CD80: variants seen among roughly 807,000 people sequenced by gnomAD.
CD80 encodes T-lymphocyte activation antigen CD80.
Under a neutral mutation model 27.1 loss-of-function variants are expected in CD80, and 13 were observed. The observed-to-expected ratio is 0.48, with a 90% CI of 0.31 to 0.76. The LOEUF is 0.76. Ranked by LOEUF, CD80 falls within the 30% of genes least tolerant of loss-of-function variation. The pLI, the probability that CD80 is intolerant of heterozygous loss-of-function variation, is 0.04. For missense variants in CD80, 277 were observed against 347.9 expected (o/e 0.80, Z 1.62); for synonymous variants, 125 against 125.5 (o/e 1.00, Z 0.03).
intron 2 of CD80, among the ~76,000 whole-genome samples, chr3:119,545,812 T>G (rs1246017419): frequency 6.6e-6 from 1 of 151,960 alleles, no homozygotes; most frequent in Admixed American, 6.5e-5. Flanking sequence ...CTGGCTACTG[T>G]GCTGCTATGA....
chr3:119,531,467 T>G (rs2082110784), intron 4 of CD80, among the ~76,000 whole-genome samples: 2 of 152,224 alleles, frequency 1.3e-5, no homozygotes, highest in Non-Finnish European at 2.9e-5. Flanking sequence ...TAGTAGGATT[T>G]GCAGTAGATC....
intron 4 of CD80, 105 bp from the exon 5 acceptor site, chr3:119,530,042 T>A (rs568018910): frequency 1.3e-6 from 1 of 784,568 alleles, no homozygotes; most frequent in East Asian, 2.7e-5. Context: ...CTTTGCCTGG[T>A]CAGCTCTCCA....
Position 119,537,303 on chromosome 3 carries a change from A to G in CD80, c.534T>C (p.Asn178=). The G allele has an allele frequency of 6.2e-7, 1 of 1,613,936 alleles. No individual in the cohort carries two copies. The highest frequency in any genetic ancestry group is 8.5e-7 in the Non-Finnish European group (1 of 1,179,968). ...TGTTGATGGCATTTAATTCTTCTCC[A>G]TTTTCCAACCAGGAGAGGTGAGGCT... is the stretch of plus-strand genomic sequence containing the variant. ...FPEPHLSWLE[N]GEELNAINTT... The change falls in exon 4 of 7, where the codon AAT becomes AAC. Residue 178 remains asparagine (N), a synonymous_variant. Transcript: ENST00000264246.
chr3:119,546,815 A>AACACACACACAC (rs10661634), intron 2 of CD80, among the ~76,000 whole-genome samples: 10,020 of 149,266 alleles, frequency 0.067, 407 homozygotes, highest in Non-Finnish European at 0.1. Context: ...GTGATGCAAC[A>AACACACACACAC]ACACACACAC....
intron 2 of CD80, among the ~76,000 whole-genome samples, chr3:119,546,668 C>T (rs534730549): frequency 1.4e-4 from 22 of 152,226 alleles, no homozygotes; most frequent in African/African-American, 5.1e-4. Flanking sequence ...GGATCTGTTG[C>T]CTGGTCACTT....
At chr3:119,529,138 C>T (rs2082096121) in intron 5 of CD80, among the ~76,000 whole-genome samples, 1 of 151,962 alleles carries the variant, frequency 6.6e-6, no homozygotes, top group African/African-American at 2.4e-5. Context: ...TTAGTAGAGA[C>T]AGAGTTTCAC....
intron 3 of CD80, among the ~76,000 whole-genome samples, chr3:119,538,337 G>A (rs1360591651): frequency 1.3e-5 from 2 of 151,778 alleles, no homozygotes; most frequent in African/African-American, 2.4e-5. Context: ...GATGCTTGAA[G>A]TACGCAAGTG....
At chr3:119,529,027 C>T (rs957299822) in intron 5 of CD80, among the ~76,000 whole-genome samples, 23 of 151,904 alleles carry the variant, frequency 1.5e-4, no homozygotes, top group African/African-American at 5.1e-4. Context: ...CTGCAGTCTC[C>T]GCCTCCTGGG....
chr3:119,540,013 G>A (rs147723198), intron 3 of CD80, among the ~76,000 whole-genome samples: 311 of 152,312 alleles, frequency 2.0e-3, no homozygotes, highest in African/African-American at 7.3e-3. Flanking sequence ...AGGCTGGAGT[G>A]CAGTGGCACC....
chr3:119,544,402 G>A (rs998510596), intron 3 of CD80, 148 bp downstream of exon 3: 45 of 642,474 alleles, frequency 7.0e-5, no homozygotes, highest in Middle Eastern at 2.5e-4. Context: ...ACCAGTTAGA[G>A]TTTATTGTAC....
At position 119,557,888 on chromosome 3, in the gene CD80, T is replaced by A; in HGVS notation, c.-160A>T. ...TACAAAACACACAGAGATTGGAGGG[T>A]GTTCCTGGGTCTCCAAAGGTTGTGG... On this transcript the variant is annotated 5_prime_UTR_variant, in exon 2 of 7. Transcript: ENST00000264246. 1 of 432,804 alleles carries A rather than the reference T, an allele frequency of 2.3e-6. No individual in the cohort carries two copies. The highest frequency in any genetic ancestry group is 4.1e-6 in the Non-Finnish European group (1 of 242,358). The allele number at this position is 432,804 out of a possible 1,614,324, so 26.8% of individuals were successfully genotyped here. A position where few individuals can be genotyped will look rare whatever the true frequency, so the allele number is the denominator to read the frequency against.
chr3:119,544,322 T>A, intron 3 of CD80: 2 of 555,816 alleles, frequency 3.6e-6, no homozygotes, highest in Non-Finnish European at 6.4e-6. Context: ...CCCAGGATGA[T>A]TGTCATGAAC....
intron 3 of CD80, among the ~76,000 whole-genome samples, chr3:119,539,984 T>C (rs1294264370): frequency 6.6e-6 from 1 of 152,124 alleles, no homozygotes; most frequent in Non-Finnish European, 1.5e-5. Context: ...GGAAACTAAA[T>C]AGTCTCACTC....
At chr3:119,546,815 A>AACACACACACACACACACACACAC (rs10661634) in intron 2 of CD80, among the ~76,000 whole-genome samples, 10 of 149,282 alleles carry the variant, frequency 6.7e-5, no homozygotes, top group South Asian at 4.2e-4. Flanking sequence ...GTGATGCAAC[A>AACACACACACACACACACACACAC]ACACACACAC....
Position 119,537,250 on chromosome 3 carries a change from T to C in CD80, c.587A>G (p.Glu196Gly). ...CAGTTTGCTGCTAACAGCATAGAGC[T>C]CAGTTTCAGGATCTTGGGAAACTGT... is the stretch of plus-strand genomic sequence containing the variant. The part of the protein sequence containing the change: ...NTTVSQDPET[E>G]LYAVSSKLDF... The change falls in exon 4 of 7, where the codon GAG becomes GGG. Residue 196 changes from glutamate (E) to glycine (G), a missense_variant. Physicochemically the swap from Glu to Gly is moderately conservative, Grantham distance 98. Coordinates refer to ENST00000264246, the MANE Select transcript of CD80 (RefSeq NM_005191.4). The C allele has an allele frequency of 6.2e-7, 1 of 1,614,110 alleles. No homozygotes were observed. The highest frequency in any genetic ancestry group is 8.5e-7 in the Non-Finnish European group (1 of 1,179,974).
intron 3 of CD80, chr3:119,544,266 A>T (rs753916617): frequency 2.8e-4 from 120 of 425,156 alleles, no homozygotes; most frequent in South Asian, 1.7e-3. Flanking sequence ...CATCAAATCA[A>T]AGATGCCCCT....
At chr3:119,533,901 A>T (rs1214127840) in intron 4 of CD80, among the ~76,000 whole-genome samples, 1 of 152,022 alleles carries the variant, frequency 6.6e-6, no homozygotes, top group Non-Finnish European at 1.5e-5. Flanking sequence ...TCAGCCCTTG[A>T]CCTCCTATAA....
intron 2 of CD80, among the ~76,000 whole-genome samples, chr3:119,553,101 CACTTTATTTATT>C (rs59395473): frequency 0.066 from 9,466 of 143,390 alleles, 1,005 homozygotes; most frequent in African/African-American, 0.22. Flanking sequence ...CTGAATTGTA[CACTTTATTTATT>C]TATTTATTTA....
intron 2 of CD80, among the ~76,000 whole-genome samples, chr3:119,551,398 C>A (rs138799851): frequency 6.6e-6 from 1 of 152,236 alleles, no homozygotes; most frequent in Non-Finnish European, 1.5e-5. Flanking sequence ...GTCATGGAGA[C>A]TCTGCCATCA....
Sources: allele counts gnomAD v4.1 joint callset (sites outside exome capture counted in the v4.1 genomes callset), GRCh38; gene constraint gnomAD v4.1.1; transcripts MANE v1.5; gene names NCBI Gene and HGNC (gene_info 2026-07-23, HGNC 2026-07-21).